PLGRKT: variants seen among roughly 807,000 people sequenced by gnomAD.
PLGRKT encodes plasminogen receptor with a C-terminal lysine.
Under a neutral mutation model 18.5 loss-of-function variants are expected in PLGRKT, and 22 were observed. The ratio of observed to expected loss-of-function variants is 1.19; its 90% CI spans 0.85 to 1.70. The LOEUF (loss-of-function observed/expected upper bound fraction) is 1.70. Ranked by LOEUF, PLGRKT falls within the 40% of genes most tolerant of loss-of-function variation. The pLI is 0.00. For missense variants in PLGRKT, 235 were observed against 174.4 expected (o/e 1.35, Z -1.96); for synonymous variants, 72 against 52.8 (o/e 1.36, Z -1.58).
intron 3 of PLGRKT, among the ~76,000 whole-genome samples, chr9:5,368,334 G>A (rs954251332): frequency 1.3e-5 from 2 of 152,084 alleles, no homozygotes; most frequent in African/African-American, 4.8e-5. Flanking sequence ...ATCAACCTAG[G>A]TGCCCATCAA....
At chr9:5,399,259 A>G (rs185995996) in intron 3 of PLGRKT, among the ~76,000 whole-genome samples, 1 of 152,038 alleles carries the variant, frequency 6.6e-6, no homozygotes, top group East Asian at 1.9e-4. Flanking sequence ...TCTAATGTCA[A>G]TTTAATTCAT....
intron 4 of PLGRKT, 57 bp from the exon 5 acceptor site, chr9:5,361,244 C>T (rs1563764257): frequency 1.1e-6 from 1 of 947,256 alleles, no homozygotes; most frequent in Admixed American, 2.3e-5. Flanking sequence ...AAATACATAT[C>T]TGTATACTTA....
At chr9:5,386,595 A>C (rs1817848622) in intron 3 of PLGRKT, among the ~76,000 whole-genome samples, 1 of 151,874 alleles carries the variant, frequency 6.6e-6, no homozygotes, top group Non-Finnish European at 1.5e-5. Context: ...CAACACAGGC[A>C]CTATAGAGGC....
chr9:5,373,829 C>A (rs1817576459), intron 3 of PLGRKT, among the ~76,000 whole-genome samples: 2 of 151,894 alleles, frequency 1.3e-5, no homozygotes, highest in Non-Finnish European at 2.9e-5. Flanking sequence ...AAGGTGGGGA[C>A]AGAACAGGAA....
intron 3 of PLGRKT, among the ~76,000 whole-genome samples, chr9:5,405,552 G>C (rs1453536128): frequency 6.6e-6 from 1 of 152,182 alleles, no homozygotes; most frequent in Non-Finnish European, 1.5e-5. Flanking sequence ...GAAATGGTTA[G>C]CCATATGTAG....
intron 3 of PLGRKT, among the ~76,000 whole-genome samples, chr9:5,424,690 A>G: frequency 1.4e-5 from 1 of 71,210 alleles, no homozygotes; most frequent in East Asian, 2.9e-4. Flanking sequence ...ATATATATAT[A>G]TACACACAGG....
chr9:5,374,590 C>G (rs559995327), intron 3 of PLGRKT, among the ~76,000 whole-genome samples: 1 of 152,160 alleles, frequency 6.6e-6, no homozygotes, highest in Non-Finnish European at 1.5e-5. Context: ...AAATTGGGTT[C>G]AAATTCTAGT....
chr9:5,426,869 C>G (rs1236389298), intron 3 of PLGRKT, among the ~76,000 whole-genome samples: 1 of 152,100 alleles, frequency 6.6e-6, no homozygotes. Flanking sequence ...TGTCACAAAC[C>G]CAAAGCATCC....
intron 3 of PLGRKT, among the ~76,000 whole-genome samples, chr9:5,397,217 A>G (rs1262728134): frequency 6.6e-6 from 1 of 151,882 alleles, no homozygotes; most frequent in African/African-American, 2.4e-5. Flanking sequence ...AAATGAGCTC[A>G]TGGACTTTCT....
At chr9:5,429,074 A>G (rs1818761787) in intron 3 of PLGRKT, among the ~76,000 whole-genome samples, 1 of 152,162 alleles carries the variant, frequency 6.6e-6, no homozygotes, top group South Asian at 2.1e-4. Context: ...CTTCACAATG[A>G]GTAAAAAAAA....
At chr9:5,409,439 A>G (rs533919014) in intron 3 of PLGRKT, among the ~76,000 whole-genome samples, 40 of 152,272 alleles carry the variant, frequency 2.6e-4, no homozygotes, top group African/African-American at 8.4e-4. Flanking sequence ...GAGTTCTTCA[A>G]TTTTGGAACT....
Position 5,424,698 on chromosome 9 carries a change from A to G in PLGRKT, c.81+7199T>C, listed in dbSNP as rs368534777. 1.5e-3 allele frequency among the ~76,000 whole-genome samples: 116 copies of G among 75,370 alleles called. 2 individuals carry two copies. Among genetic ancestry groups the G allele is most frequent in the African/African-American group, 3.1e-3 (67 of 21,604 alleles). The allele number at this position is 75,370 out of a possible 152,430, so 49.4% of individuals were successfully genotyped here. A position where few individuals can be genotyped will look rare whatever the true frequency, so the allele number is the denominator to read the frequency against. On this transcript the variant is annotated intron_variant, in intron 3 of 5. Coordinates refer to ENST00000223864, the MANE Select transcript of PLGRKT (RefSeq NM_018465.4). The stretch of plus-strand genomic sequence containing the variant: ...TATATATATATATATATATACACAC[A>G]GGGGGGGGAGAGAGGGAGAGACAGA...
intron 3 of PLGRKT, among the ~76,000 whole-genome samples, chr9:5,416,714 A>G (rs1282232622): frequency 6.6e-6 from 1 of 152,180 alleles, no homozygotes; most frequent in Non-Finnish European, 1.5e-5. Flanking sequence ...GAACAAATCT[A>G]AAAACTGTGT....
intron 5 of PLGRKT, among the ~76,000 whole-genome samples, chr9:5,359,335 C>T (rs1817210218): frequency 6.6e-6 from 1 of 152,142 alleles, no homozygotes; most frequent in East Asian, 1.9e-4. Context: ...CAGGTGTGAG[C>T]CACTGCACCT....
chr9:5,379,674 T>C (rs866660230), intron 3 of PLGRKT, among the ~76,000 whole-genome samples: 1 of 152,348 alleles, frequency 6.6e-6, no homozygotes, highest in African/African-American at 2.4e-5. Flanking sequence ...AAATACATTA[T>C]GAAAAATGTT....
intron 3 of PLGRKT, chr9:5,381,815 T>TA (rs1242149175): frequency 4.3e-6 from 4 of 925,318 alleles, no homozygotes; most frequent in Non-Finnish European, 5.2e-6. Flanking sequence ...ATTGTAGTTT[T>TA]AAAAAATACA....
At chr9:5,381,752 T>G (rs972184280) in intron 3 of PLGRKT, 4 of 321,772 alleles carry the variant, frequency 1.2e-5, no homozygotes, top group African/African-American at 9.0e-5. Context: ...ACTTGTTGCC[T>G]CTGTGTAGTA....
intron 3 of PLGRKT, among the ~76,000 whole-genome samples, chr9:5,407,988 C>A (rs1431018254): frequency 1.3e-5 from 2 of 152,154 alleles, no homozygotes; most frequent in Non-Finnish European, 2.9e-5. Flanking sequence ...ATATAGACAA[C>A]TCTATTGTAA....
intron 3 of PLGRKT, among the ~76,000 whole-genome samples, chr9:5,365,612 G>A (rs137953618): frequency 4.1e-4 from 63 of 152,254 alleles, no homozygotes; most frequent in African/African-American, 1.5e-3. Context: ...GTGGCATCCT[G>A]GGTGAGATTC....
Sources: allele counts gnomAD v4.1 joint callset (sites outside exome capture counted in the v4.1 genomes callset), GRCh38; gene constraint gnomAD v4.1.1; transcripts MANE v1.5; gene names NCBI Gene and HGNC (gene_info 2026-07-23, HGNC 2026-07-21).